The following NEK11 variants were observed in gnomAD, a reference collection of about 807,000 sequenced individuals.
NEK11 encodes NIMA related kinase 11.
In NEK11, 72 loss-of-function variants were observed where a neutral mutation model predicts 80.7. The observed-to-expected ratio is 0.89, with a 90% CI of 0.74 to 1.08. The LOEUF (loss-of-function observed/expected upper bound fraction) is 1.08. Ranked by LOEUF, NEK11 falls within the 50% of genes least tolerant of loss-of-function variation. The pLI is 0.00. For synonymous variants in NEK11, 251 were observed against 260.7 expected (o/e 0.96, Z 0.36); for missense variants, 764 against 763.6 (o/e 1.00, Z -0.01).
At chr3:131,198,042 G>A (rs1299347727) in intron 14 of NEK11, among the ~76,000 whole-genome samples, 4 of 152,048 alleles carry the variant, frequency 2.6e-5, no homozygotes, top group African/African-American at 9.7e-5. Context: ...TCTCCATATT[G>A]CTGCATGGGC....
intron 14 of NEK11, among the ~76,000 whole-genome samples, chr3:131,182,607 C>G (rs955312971): frequency 6.6e-6 from 1 of 152,188 alleles, no homozygotes; most frequent in Non-Finnish European, 1.5e-5. Flanking sequence ...CTGCTAACCC[C>G]TTCATTTGTC....
chr3:131,121,141 A>T (rs1199075734), intron 5 of NEK11, among the ~76,000 whole-genome samples: 1 of 152,102 alleles, frequency 6.6e-6, no homozygotes, highest in Non-Finnish European at 1.5e-5. Context: ...GTCTTTGATG[A>T]TGGTGACGTA....
At chr3:131,243,648 A>G (rs1469386) in intron 16 of NEK11, 152 bp downstream of exon 16, 74,437 of 632,658 alleles carry the variant, frequency 0.12, 10,654 homozygotes, top group African/African-American at 0.53. Context: ...CTGACCCAAA[A>G]GCCAGGAAAC....
intron 14 of NEK11, among the ~76,000 whole-genome samples, chr3:131,223,230 C>T (rs181577494): frequency 5.9e-5 from 9 of 152,262 alleles, no homozygotes; most frequent in Non-Finnish European, 7.4e-5. Flanking sequence ...ACAGTTTGAA[C>T]GGACTTACGT....
At chr3:131,132,147 T>C (rs557468100) in intron 5 of NEK11, among the ~76,000 whole-genome samples, 25 of 152,204 alleles carry the variant, frequency 1.6e-4, no homozygotes, top group Non-Finnish European at 2.9e-4. Flanking sequence ...GCAGGGATTT[T>C]TTTTCATTTT....
At chr3:131,271,320 C>T (rs1369408128) in intron 16 of NEK11, among the ~76,000 whole-genome samples, 1 of 152,110 alleles carries the variant, frequency 6.6e-6, no homozygotes, top group Non-Finnish European at 1.5e-5. Flanking sequence ...CCAGTATTTC[C>T]ATAACTAGGG....
chr3:131,245,093 C>T (rs2095577542), intron 16 of NEK11, among the ~76,000 whole-genome samples: 1 of 152,040 alleles, frequency 6.6e-6, no homozygotes, highest in African/African-American at 2.4e-5. Context: ...TCTCTCCCAA[C>T]TTCCCACTCT....
intron 15 of NEK11, among the ~76,000 whole-genome samples, chr3:131,238,352 AT>A (rs1294373896): frequency 2.0e-5 from 3 of 151,924 alleles, no homozygotes; most frequent in African/African-American, 7.2e-5. Flanking sequence ...CAGATATTCT[AT>A]TTTTTTTCAC....
At chr3:131,259,956 G>A (rs1170255636) in intron 16 of NEK11, among the ~76,000 whole-genome samples, 1 of 152,100 alleles carries the variant, frequency 6.6e-6, no homozygotes, top group Non-Finnish European at 1.5e-5. Context: ...CGACAGTTTT[G>A]TTGCCATTCT....
chr3:131,076,541 A>T (rs1471830802), intron 3 of NEK11, among the ~76,000 whole-genome samples: 2 of 152,210 alleles, frequency 1.3e-5, no homozygotes, highest in East Asian at 3.8e-4. Context: ...TATATTTCAT[A>T]ATCTCTCTTT....
chr3:131,242,787 G>A (rs1168316609), intron 15 of NEK11, among the ~76,000 whole-genome samples: 2 of 152,090 alleles, frequency 1.3e-5, no homozygotes, highest in African/African-American at 4.8e-5. Context: ...AGATCATTAG[G>A]ATGCTGTTTT....
chr3:131,120,183 A>G (rs560335002), intron 5 of NEK11, among the ~76,000 whole-genome samples: 1 of 152,282 alleles, frequency 6.6e-6, no homozygotes, highest in East Asian at 1.9e-4. Flanking sequence ...GGTGGTGACA[A>G]AATCTCTCAG....
At chr3:131,089,924 C>T (rs1171247374) in intron 4 of NEK11, among the ~76,000 whole-genome samples, 3 of 152,058 alleles carry the variant, frequency 2.0e-5, no homozygotes, top group Non-Finnish European at 4.4e-5. Flanking sequence ...GTCAGTCCAG[C>T]GAATTAATAA....
chr3:131,299,479 C>T (rs1314330229), intron 17 of NEK11, among the ~76,000 whole-genome samples: 1 of 151,844 alleles, frequency 6.6e-6, no homozygotes, highest in Non-Finnish European at 1.5e-5. Context: ...AGGCATCAGC[C>T]ACCATGCCTG....
intron 3 of NEK11, among the ~76,000 whole-genome samples, chr3:131,031,390 A>G (rs1287896499): frequency 1.3e-5 from 2 of 152,194 alleles, no homozygotes; most frequent in East Asian, 1.9e-4. Flanking sequence ...CAATTATTAG[A>G]TAACCTTTAT....
chr3:131,280,640 A>G (rs1270426587), intron 17 of NEK11, among the ~76,000 whole-genome samples: 2 of 152,192 alleles, frequency 1.3e-5, no homozygotes, highest in Non-Finnish European at 2.9e-5. Context: ...TCTCTGTTTA[A>G]CATGTTCAAT....
At chr3:131,066,344 C>A (rs773520861) in intron 3 of NEK11, among the ~76,000 whole-genome samples, 2 of 152,160 alleles carry the variant, frequency 1.3e-5, no homozygotes, top group Non-Finnish European at 2.9e-5. Flanking sequence ...AAAATTGGAA[C>A]ATGTACATGT....
At chr3:131,274,870 G>C (rs1346789819) in intron 17 of NEK11, among the ~76,000 whole-genome samples, 15 of 149,130 alleles carry the variant, frequency 1.0e-4, no homozygotes, top group Admixed American at 2.7e-4. Flanking sequence ...AGCCAGGATG[G>C]TCTCGATCTC....
intron 3 of NEK11, among the ~76,000 whole-genome samples, chr3:131,035,556 C>T (rs55843431): frequency 5.3e-5 from 8 of 152,306 alleles, no homozygotes; most frequent in Non-Finnish European, 1.2e-4. Context: ...GTCCAGGCCT[C>T]AGCTTTTCAT....
Sources: gnomAD v4.1 joint callset for allele counts (sites outside exome capture counted in the v4.1 genomes callset) on GRCh38, gnomAD v4.1.1 for gene constraint, MANE v1.5 for transcripts, NCBI Gene and HGNC (gene_info 2026-07-23, HGNC 2026-07-21) for gene names.